SASH1: variants seen among roughly 807,000 people sequenced by gnomAD.
The protein encoded by SASH1 is SAM and SH3 domain containing 1, also known as SAM and SH3 domain-containing protein 1.
A neutral mutation model predicts 125.2 loss-of-function variants in SASH1; 44 were observed. That is an observed-to-expected ratio of 0.35 (90% CI 0.28 to 0.45). SASH1 has a LOEUF of 0.45. SASH1 is among the 20% of genes least tolerant of loss of function. The pLI is 1.00. For missense variants in SASH1, 1,426 were observed against 1,614.5 expected (o/e 0.88, Z 2.00); for synonymous variants, 639 against 649.1 (o/e 0.98, Z 0.24).
intron 1 of SASH1, among the ~76,000 whole-genome samples, chr6:148,296,389 G>A (rs1343282955): frequency 6.6e-6 from 1 of 152,188 alleles, no homozygotes; most frequent in Non-Finnish European, 1.5e-5. Context: ...ACCTCCCAAA[G>A]TGCTGGGATT....
chr6:148,387,905 ATTTTTTTTTTTTTT>A (rs71004291), intron 1 of SASH1, among the ~76,000 whole-genome samples: 3 of 53,964 alleles, frequency 5.6e-5, no homozygotes, highest in African/African-American at 2.3e-4. Flanking sequence ...CGCCCTGCTA[ATTTTTTTTTTTTTT>A]TTTTTTTTTT....
At chr6:148,299,026 CACAG>C (rs1046094089) in intron 1 of SASH1, among the ~76,000 whole-genome samples, 2 of 152,162 alleles carry the variant, frequency 1.3e-5, no homozygotes, top group African/African-American at 4.8e-5. Context: ...AATAAAAGCA[CACAG>C]ACAATTTTGC....
intron 1 of SASH1, among the ~76,000 whole-genome samples, chr6:148,321,734 GA>G (rs1302981697): frequency 2.0e-5 from 3 of 152,156 alleles, no homozygotes; most frequent in Non-Finnish European, 4.4e-5. Context: ...TTATTGAACT[GA>G]AATCCATCGA....
At chr6:148,393,325 G>C (rs1399760935) in intron 2 of SASH1, among the ~76,000 whole-genome samples, 1 of 151,590 alleles carries the variant, frequency 6.6e-6, no homozygotes, top group Admixed American at 6.6e-5. Context: ...CTCCCAAAGT[G>C]CTGGGATTAC....
chr6:148,472,445 TAA>T lies in SASH1; in HGVS notation c.514+955_514+956del, dbSNP rs35761383. Among the ~76,000 whole-genome samples, 707 of 144,040 alleles carry T rather than the reference TAA, an allele frequency of 4.9e-3. 6 individuals are homozygous for T. Among genetic ancestry groups the T allele is most frequent in the African/African-American group, 0.015 (579 of 39,202 alleles). 94.5% of individuals were successfully genotyped at this position (144,040 alleles called of 152,430 possible). A position where few individuals can be genotyped will look rare whatever the true frequency, so the allele number is the denominator to read the frequency against. On this transcript the variant is annotated intron_variant, in intron 6 of 19. Transcript: ENST00000367467. ...GTGATTCAAAATAAACCTTGGATTCTAAAAAAAAAAAAAACAGTCTAAAGCTA... is the reference window on the plus strand; with the variant it reads ...GTGATTCAAAATAAACCTTGGATTCTAAAAAAAAAAAACAGTCTAAAGCTA...
rs1398562474 is a variant in SASH1 at position 148,527,451 on chromosome 6, A to C, written c.1285-2A>C. 1 of 1,568,370 alleles carries C rather than the reference A, an allele frequency of 6.4e-7. No individual in the cohort carries two copies. The highest frequency in any genetic ancestry group is 2.3e-5 in the East Asian group (1 of 43,344). The stretch of plus-strand genomic sequence containing the variant: ...CAATACTTGCAACATTTTGTTTTAC[A>C]GGGTAAAGAAGGAGACTTTGTGTAC... On this transcript the variant is annotated splice_acceptor_variant, in intron 11 of 19. Transcript: ENST00000367467. LOFTEE classifies it high-confidence loss of function.
chr6:148,296,453 A>ATT (rs1779768173), intron 1 of SASH1, among the ~76,000 whole-genome samples: 3 of 152,058 alleles, frequency 2.0e-5, no homozygotes, highest in African/African-American at 7.2e-5. Context: ...TTAAGTATGT[A>ATT]TTTTATTTTT....
intron 12 of SASH1, among the ~76,000 whole-genome samples, chr6:148,528,621 C>T (rs1490446940): frequency 4.6e-5 from 7 of 152,100 alleles, no homozygotes; most frequent in Non-Finnish European, 1.5e-5. Context: ...CATTTTGCTC[C>T]CCCATGGACT....
the SASH1 span, among the ~76,000 whole-genome samples, chr6:148,248,496 C>T: frequency 6.6e-6 from 1 of 152,174 alleles, no homozygotes; most frequent in Non-Finnish European, 1.5e-5. Flanking sequence ...TCAAAATCTA[C>T]CCTCTACCTG....
At chr6:148,226,566 C>T in the SASH1 span, among the ~76,000 whole-genome samples, 5 of 152,346 alleles carry the variant, frequency 3.3e-5, no homozygotes, top group African/African-American at 1.2e-4. Flanking sequence ...TCTCCCACAA[C>T]GCGAAGTGGG....
upstream of SASH1, among the ~76,000 whole-genome samples, chr6:148,341,317 G>GTTTTTTTTTTTTTT (rs1179914037): frequency 3.3e-5 from 4 of 120,222 alleles, no homozygotes; most frequent in African/African-American, 9.4e-5. Flanking sequence ...GCTATGTTTT[G>GTTTTTTTTTTTTTT]TTTTTTTTTT....
intron 7 of SASH1, chr6:148,480,874 T>G (rs1778586400): frequency 6.6e-6 from 1 of 152,078 alleles, no homozygotes; most frequent in African/African-American, 2.4e-5. Flanking sequence ...TTAGTGTAAT[T>G]TTAAAAGATA....
intron 18 of SASH1, 89 bp from the exon 19 acceptor site, chr6:148,545,922 CAGTG>C: frequency 1.6e-6 from 2 of 1,264,622 alleles, no homozygotes; most frequent in Non-Finnish European, 2.2e-6. Context: ...GTCTAAGTGA[CAGTG>C]AGACCCTACG....
Position 148,489,850 on chromosome 6 carries a change from C to CTGTGTGTGTGTGTG in SASH1, c.729+2159_729+2172dup, listed in dbSNP as rs151183028. Among the ~76,000 whole-genome samples the CTGTGTGTGTGTGTG allele has an allele frequency of 3.4e-4, 47 of 136,634 alleles. 1 individual carries two copies. Among genetic ancestry groups the CTGTGTGTGTGTGTG allele is most frequent in the South Asian group, 1.2e-3 (5 of 4,086 alleles). The allele number at this position is 136,634 out of a possible 152,430, so 89.6% of individuals were successfully genotyped here. A position where few individuals can be genotyped will look rare whatever the true frequency, so the allele number is the denominator to read the frequency against. ...TTGCTGAATTTATTAGCTATATAGG[C>CTGTGTGTGTGTGTG]TGTGTGTGTGTGTGTGTGTGTGTGT... is the stretch of plus-strand genomic sequence containing the variant. On this transcript the variant is annotated intron_variant, in intron 8 of 19. Coordinates refer to ENST00000367467, the MANE Select transcript of SASH1 (RefSeq NM_015278.5).
Position 148,325,580 on chromosome 6 carries a change from G to A in SASH1, n.74+53203G>A, listed in dbSNP as rs1780774706. ...TGACCCACTGTGCCTGGCTAGAAAAGCCTCTTATAAAACCATCAGATCTTA... is the reference window on the plus strand; with the variant it reads ...TGACCCACTGTGCCTGGCTAGAAAAACCTCTTATAAAACCATCAGATCTTA... On this transcript the variant is annotated intron_variant and non_coding_transcript_variant, in intron 1 of 3. Transcript: ENST00000367469. 2.6e-5 allele frequency among the ~76,000 whole-genome samples: 4 copies of A among 151,988 alleles called. No homozygotes were observed. The South Asian group carries it at 6.2e-4, about 24-fold the overall frequency.
chr6:148,469,310 C>T (rs1562437286), intron 5 of SASH1, among the ~76,000 whole-genome samples: 1 of 152,234 alleles, frequency 6.6e-6, no homozygotes, highest in East Asian at 1.9e-4. Context: ...GAAATCTTGC[C>T]ATTAGATAGC....
At chr6:148,521,463 C>T (rs1389951417) in intron 10 of SASH1, among the ~76,000 whole-genome samples, 5 of 152,230 alleles carry the variant, frequency 3.3e-5, no homozygotes, top group South Asian at 4.1e-4. Context: ...ATTCTTAAAA[C>T]GACCTTCTCT....
intron 2 of SASH1, among the ~76,000 whole-genome samples, chr6:148,396,563 A>G (rs999698886): frequency 6.6e-6 from 1 of 151,952 alleles, no homozygotes; most frequent in Non-Finnish European, 1.5e-5. Context: ...TGCAATTTTA[A>G]TAACTTAAAC....
At chr6:148,426,559 G>A (rs1199528582) in intron 2 of SASH1, among the ~76,000 whole-genome samples, 11 of 152,142 alleles carry the variant, frequency 7.2e-5, no homozygotes, top group African/African-American at 1.9e-4. Context: ...CCTGGTGCCC[G>A]AACAGAAGGA....
Sources: gnomAD v4.1 joint callset for allele counts (sites outside exome capture counted in the v4.1 genomes callset) on GRCh38, gnomAD v4.1.1 for gene constraint, MANE v1.5 for transcripts, NCBI Gene and HGNC (gene_info 2026-07-23, HGNC 2026-07-21) for gene names.